The following CHODL variants were observed in gnomAD, a reference collection of about 807,000 sequenced individuals.
CHODL encodes the protein chondrolectin.
CHODL carries 29 observed loss-of-function variants against 34.5 expected under a neutral mutation model. The observed-to-expected ratio is 0.84, with a 90% CI of 0.63 to 1.15. The LOEUF is 1.15. Ranked by LOEUF, CHODL falls within the 50% of genes most tolerant of loss-of-function variation. The probability of loss-of-function intolerance (pLI) is 0.00; values close to 1 mark genes in which losing one functional copy is unlikely to be tolerated. For synonymous variants in CHODL, 125 were observed against 116.1 expected, an observed-to-expected ratio of 1.08 and a Z score of -0.49; for missense variants, 332 against 332.5, an observed-to-expected ratio of 1.00 and a Z score of 0.01.
In CHODL at chr21:18,149,877, G is replaced by T. The variant is rs548669034; in HGVS notation, c.-44-106632G>T. On this transcript the variant is annotated intron_variant, in intron 2 of 6. Transcript: ENST00000400127. Reference sequence around the variant, plus strand: ...GTATTTTGTACTGTCAACAAAAAGAGTCAAACTCTGTAAAATATTTGAAGA... The same window carrying T: ...GTATTTTGTACTGTCAACAAAAAGATTCAAACTCTGTAAAATATTTGAAGA... Among the ~76,000 whole-genome samples, 3 of 152,286 alleles carry T rather than the reference G, an allele frequency of 2.0e-5. No homozygotes were observed. The South Asian group carries it at 6.2e-4, about 32-fold the overall frequency.
At chr21:18,245,804 G>T (rs968963414) in intron 1 of CHODL, 22 of 962,556 alleles carry the variant, frequency 2.3e-5, no homozygotes, top group Non-Finnish European at 2.9e-5. Flanking sequence ...CTGGGCATTC[G>T]GTCTTTGTTC....
Position 18,196,594 on chromosome 21 carries a change from A to G in CHODL, c.-44-59915A>G, listed in dbSNP as rs150393844. 7.6e-3 allele frequency among the ~76,000 whole-genome samples: 1,160 copies of G among 152,336 alleles called. 21 individuals are homozygous for G. The South Asian group carries it at 0.085, about 11-fold the overall frequency. Reference sequence around the variant, plus strand: ...TCCATTTCGGAAAGTAGAGTTGTTTAGAGAAATACAAATATCTTCACTCAG... The same window carrying G: ...TCCATTTCGGAAAGTAGAGTTGTTTGGAGAAATACAAATATCTTCACTCAG... On this transcript the variant is annotated intron_variant, in intron 2 of 6. Coordinates refer to the CHODL transcript ENST00000400127.
intron 2 of CHODL, among the ~76,000 whole-genome samples, chr21:18,040,497 C>A (rs2064362027): frequency 6.6e-6 from 1 of 151,772 alleles, no homozygotes; most frequent in South Asian, 2.1e-4. Context: ...TTATGGTGAG[C>A]TGATGCTAAT....
intron 2 of CHODL, among the ~76,000 whole-genome samples, chr21:18,179,867 G>A (rs2073361301): frequency 6.6e-6 from 1 of 152,068 alleles, no homozygotes; most frequent in Admixed American, 6.6e-5. Context: ...TCTTATTTAT[G>A]TATTTTAATT....
At chr21:17,941,384 A>G (rs374934545) in intron 1 of CHODL, among the ~76,000 whole-genome samples, 8 of 149,468 alleles carry the variant, frequency 5.4e-5, no homozygotes, top group Admixed American at 1.3e-4. Flanking sequence ...CACTCTGTAT[A>G]ACCCCCAAAG....
chr21:17,957,540 T>C (rs956648969), intron 1 of CHODL, among the ~76,000 whole-genome samples: 1 of 152,102 alleles, frequency 6.6e-6, no homozygotes, highest in African/African-American at 2.4e-5. Flanking sequence ...GATGGGACCA[T>C]GAATAGTGGA....
intron 3 of CHODL, among the ~76,000 whole-genome samples, chr21:18,257,686 T>C (rs748482843): frequency 2.6e-5 from 4 of 152,208 alleles, no homozygotes; most frequent in Non-Finnish European, 4.4e-5. Flanking sequence ...ATGATTCCTA[T>C]TCTTGAAATA....
chr21:18,058,909 C>G (rs1299365608), intron 2 of CHODL, among the ~76,000 whole-genome samples: 1 of 152,112 alleles, frequency 6.6e-6, no homozygotes, highest in African/African-American at 2.4e-5. Flanking sequence ...GTTTTGTACT[C>G]TCCCAAGGCA....
At position 18,169,979 on chromosome 21, in the gene CHODL, G is replaced by A. The variant is rs548486589; in HGVS notation, c.-44-86530G>A. Among the ~76,000 whole-genome samples the A allele has an allele frequency of 5.9e-5, 9 of 151,984 alleles. 1 individual carries two copies. In the South Asian group the frequency reaches 6.2e-4, roughly 11 times the overall value. On this transcript the variant is annotated intron_variant, in intron 2 of 6. Transcript: ENST00000400127. Reference sequence around the variant, plus strand: ...TATTTTATGGTGTTGTTCGATTCTCGCATTTCAGTTTTGAATTTTGTACTA... The same window carrying A: ...TATTTTATGGTGTTGTTCGATTCTCACATTTCAGTTTTGAATTTTGTACTA...
At chr21:18,242,012 G>C (rs372663018), upstream of CHODL, among the ~76,000 whole-genome samples, 2 of 150,638 alleles carry the variant, frequency 1.3e-5, no homozygotes, top group East Asian at 3.9e-4. Flanking sequence ...TTTTTTTAAT[G>C]GACAAAGACC....
chr21:18,017,497 G>T (rs158056), intron 1 of CHODL, among the ~76,000 whole-genome samples: 1 of 152,184 alleles, frequency 6.6e-6, no homozygotes, highest in African/African-American at 2.4e-5. Context: ...TCAGGCTGAC[G>T]CTTCAGAGGG....
At chr21:17,975,658 G>A (rs978683681) in intron 1 of CHODL, among the ~76,000 whole-genome samples, 1 of 152,034 alleles carries the variant, frequency 6.6e-6, no homozygotes, top group Admixed American at 6.6e-5. Context: ...TATTCTGCCA[G>A]AAGTATTCCT....
chr21:18,144,708 G>T (rs891810815), intron 2 of CHODL, among the ~76,000 whole-genome samples: 3 of 151,674 alleles, frequency 2.0e-5, no homozygotes, highest in Non-Finnish European at 2.9e-5. Flanking sequence ...TTCCCTGGAG[G>T]TTATAAAAAA....
chr21:17,978,254 T>TCTA (rs1283681669), intron 1 of CHODL, among the ~76,000 whole-genome samples: 1 of 151,420 alleles, frequency 6.6e-6, no homozygotes, highest in African/African-American at 2.4e-5. Context: ...AAACCCTGTC[T>TCTA]CTACTAAAAA....
At chr21:18,230,700 C>G (rs2073970469) in intron 2 of CHODL, among the ~76,000 whole-genome samples, 1 of 151,936 alleles carries the variant, frequency 6.6e-6, no homozygotes, top group Non-Finnish European at 1.5e-5. Flanking sequence ...TGTATGGAGT[C>G]AAAAGGTGGG....
intron 1 of CHODL, among the ~76,000 whole-genome samples, chr21:18,002,706 C>G (rs1342338219): frequency 6.6e-6 from 1 of 152,138 alleles, no homozygotes; most frequent in Non-Finnish European, 1.5e-5. Context: ...GAAGACGCCT[C>G]CTCACTTCCA....
At chr21:18,028,278 C>A (rs867918551) in intron 2 of CHODL, among the ~76,000 whole-genome samples, 1 of 4,064 alleles carries the variant, frequency 2.5e-4, no homozygotes. Flanking sequence ...TTCCTTTTCC[C>A]CTTCCTTCCT....
chr21:18,005,948 T>C (rs551913752), intron 1 of CHODL, among the ~76,000 whole-genome samples: 1 of 151,846 alleles, frequency 6.6e-6, no homozygotes, highest in Non-Finnish European at 1.5e-5. Flanking sequence ...CCACGTTTCA[T>C]GGGGGGAACC....
chr21:18,097,942 A>G (rs2065160067), intron 2 of CHODL, among the ~76,000 whole-genome samples: 2 of 152,136 alleles, frequency 1.3e-5, no homozygotes, highest in Admixed American at 6.6e-5. Context: ...ATTTTTGACA[A>G]ACATGCCAAG....
Sources: allele counts gnomAD v4.1 joint callset (sites outside exome capture counted in the v4.1 genomes callset), GRCh38; gene constraint gnomAD v4.1.1; transcripts MANE v1.5; gene names NCBI Gene and HGNC (gene_info 2026-07-23, HGNC 2026-07-21).